ZFPM2: variants seen among roughly 807,000 people sequenced by gnomAD.
ZFPM2 encodes zinc finger protein, FOG family member 2, also known as zinc finger protein ZFPM2.
A neutral mutation model predicts 98.6 loss-of-function variants in ZFPM2; 20 were observed. The observed-to-expected ratio is 0.20, with a 90% CI of 0.14 to 0.29. The LOEUF (loss-of-function observed/expected upper bound fraction) is 0.29, where lower values mean the gene tolerates loss of function less well. Among genes scored for constraint, ZFPM2 ranks in the 10% least tolerant of loss-of-function variants. ZFPM2 has a pLI of 1.00. For missense variants in ZFPM2, 1,310 were observed against 1,388.6 expected, an observed-to-expected ratio of 0.94 and a Z score of 0.90; for synonymous variants, 518 against 502.7, an observed-to-expected ratio of 1.03 and a Z score of -0.41.
intron 1 of ZFPM2, among the ~76,000 whole-genome samples, chr8:105,409,382 G>A (rs1811530735): frequency 2.0e-5 from 3 of 151,902 alleles, no homozygotes. Flanking sequence ...AGATCAGCCT[G>A]AAGTGGCTAC....
At chr8:105,465,441 A>T (rs1274890350) in intron 3 of ZFPM2, among the ~76,000 whole-genome samples, 3 of 151,958 alleles carry the variant, frequency 2.0e-5, no homozygotes, top group Non-Finnish European at 4.4e-5. Context: ...TTTACAGTTT[A>T]TACAAGCATC....
At chr8:105,568,988 C>A (rs1335378922) in intron 4 of ZFPM2, among the ~76,000 whole-genome samples, 6 of 152,034 alleles carry the variant, frequency 3.9e-5, no homozygotes, top group African/African-American at 1.2e-4. Flanking sequence ...TCCCCCCTCC[C>A]CACCTATCTC....
chr8:105,727,593 C>A (rs1207374084), intron 5 of ZFPM2, among the ~76,000 whole-genome samples: 1 of 151,702 alleles, frequency 6.6e-6, no homozygotes. Flanking sequence ...CAACCTCCAA[C>A]CATTTAATGA....
intron 5 of ZFPM2, among the ~76,000 whole-genome samples, chr8:105,771,605 G>C (rs1812978624): frequency 6.6e-6 from 1 of 152,050 alleles, no homozygotes; most frequent in Admixed American, 6.6e-5. Context: ...AAATTAGCTG[G>C]CTCTGGTTTT....
At chr8:105,778,955 G>T in intron 5 of ZFPM2, among the ~76,000 whole-genome samples, 2 of 136,326 alleles carry the variant, frequency 1.5e-5, no homozygotes, top group Admixed American at 7.6e-5. Context: ...TTAAATATCT[G>T]AATTTTGGAA....
chr8:105,788,615 C>A, intron 5 of ZFPM2, 103 bp from the exon 6 acceptor site: 2 of 1,142,350 alleles, frequency 1.8e-6, no homozygotes, highest in South Asian at 1.4e-5. Context: ...CCAGTAGAAA[C>A]CAGTGTGAAA....
intron 1 of ZFPM2, among the ~76,000 whole-genome samples, chr8:105,333,027 C>A (rs1812261923): frequency 2.0e-5 from 3 of 151,658 alleles, no homozygotes; most frequent in African/African-American, 4.8e-5. Flanking sequence ...AGAGCCTGAT[C>A]AGTGTATTTT....
At chr8:105,322,822 C>T (rs1343429190) in intron 1 of ZFPM2, among the ~76,000 whole-genome samples, 1 of 151,918 alleles carries the variant, frequency 6.6e-6, no homozygotes, top group Non-Finnish European at 1.5e-5. Flanking sequence ...AGGGTCTTTC[C>T]CAGAAGTTGG....
intron 5 of ZFPM2, among the ~76,000 whole-genome samples, chr8:105,713,117 T>A (rs999295382): frequency 8.5e-5 from 13 of 152,100 alleles, no homozygotes; most frequent in African/African-American, 3.1e-4. Flanking sequence ...CCAAACTGCT[T>A]TCTATAGTGA....
Position 105,441,461 on chromosome 8 carries a change from A to AGGAAGGAAGGAAG in ZFPM2, c.200-2818_200-2817insGAAGGAAGGAAGG, listed in dbSNP as rs1563659944. On this transcript the variant is annotated intron_variant, in intron 2 of 7. Transcript: ENST00000407775. Reference sequence around the variant, plus strand: ...GAGAGAGAGAGAGAGAGAGAAAGAAAGAAAGAAAGAAAGAAAGAAAGAAAG... The same window carrying AGGAAGGAAGGAAG: ...GAGAGAGAGAGAGAGAGAGAAAGAAAGGAAGGAAGGAAGGAAAGAAAGAAAGAAAGAAAGAAAG... Among the ~76,000 whole-genome samples, 25 of 108,208 alleles carry AGGAAGGAAGGAAG rather than the reference A, an allele frequency of 2.3e-4. 3 individuals are homozygous for AGGAAGGAAGGAAG. The highest frequency in any genetic ancestry group is 1.1e-3 in the Admixed American group (11 of 9,944). 71.0% of individuals were successfully genotyped at this position (108,208 alleles called of 152,430 possible). A position where few individuals can be genotyped will look rare whatever the true frequency, so the allele number is the denominator to read the frequency against.
chr8:105,685,601 C>G (rs1296111215), intron 5 of ZFPM2: 3 of 151,818 alleles, frequency 2.0e-5, no homozygotes, highest in Non-Finnish European at 4.4e-5. Context: ...GCCCTAGTAT[C>G]TTTGTTTATT....
At chr8:105,549,189 T>G (rs1007680433) in intron 3 of ZFPM2, among the ~76,000 whole-genome samples, 4 of 152,014 alleles carry the variant, frequency 2.6e-5, no homozygotes, top group Non-Finnish European at 4.4e-5. Flanking sequence ...TACTCTATAT[T>G]CATGTTGGAA....
chr8:105,564,937 A>T, intron 4 of ZFPM2, among the ~76,000 whole-genome samples: 1 of 152,264 alleles, frequency 6.6e-6, no homozygotes, highest in Middle Eastern at 3.4e-3. Context: ...AATCATAAAT[A>T]TTCCTTATAA....
intron 3 of ZFPM2, among the ~76,000 whole-genome samples, chr8:105,463,927 A>G (rs181097934): frequency 6.6e-6 from 1 of 152,204 alleles, no homozygotes; most frequent in East Asian, 1.9e-4. Flanking sequence ...GCTGATAGCC[A>G]TGAATTTTGT....
intron 5 of ZFPM2, among the ~76,000 whole-genome samples, chr8:105,779,030 G>A (rs73306838): frequency 0.18 from 26,598 of 151,720 alleles, 4,184 homozygotes; most frequent in African/African-American, 0.42. Flanking sequence ...AGACTTAATG[G>A]CGATGCTATG....
intron 5 of ZFPM2, among the ~76,000 whole-genome samples, chr8:105,769,006 T>C (rs755887279): frequency 1.3e-4 from 19 of 151,930 alleles, no homozygotes; most frequent in Admixed American, 3.3e-4. Context: ...AAGATAAAAA[T>C]GTACCTAGAG....
At chr8:105,560,420 A>T (rs1815107498) in intron 3 of ZFPM2, among the ~76,000 whole-genome samples, 1 of 152,036 alleles carries the variant, frequency 6.6e-6, no homozygotes, top group Admixed American at 6.6e-5. Context: ...CTGAGATAAA[A>T]TTTTTAAAAT....
intron 3 of ZFPM2, among the ~76,000 whole-genome samples, chr8:105,558,066 G>T (rs372332745): frequency 1.3e-5 from 1 of 75,124 alleles, no homozygotes; most frequent in Non-Finnish European, 2.3e-5. Flanking sequence ...CAGAATTGGT[G>T]TAAAAATCTT....
intron 2 of ZFPM2, among the ~76,000 whole-genome samples, chr8:105,427,607 C>T (rs1338876446): frequency 6.6e-6 from 1 of 152,180 alleles, no homozygotes; most frequent in Non-Finnish European, 1.5e-5. Context: ...TTTGCCCACC[C>T]ATTACCTGAT....
Sources: gnomAD v4.1 joint callset for allele counts (sites outside exome capture counted in the v4.1 genomes callset) on GRCh38, gnomAD v4.1.1 for gene constraint, MANE v1.5 for transcripts, NCBI Gene and HGNC (gene_info 2026-07-23, HGNC 2026-07-21) for gene names.